GLUD1: variants seen among roughly 807,000 people sequenced by gnomAD.
The protein encoded by GLUD1 is glutamate dehydrogenase 1, mitochondrial.
Under a neutral mutation model 56.0 loss-of-function variants are expected in GLUD1, and 22 were observed. The observed-to-expected ratio is 0.39, with a 90% CI of 0.28 to 0.56. The LOEUF (loss-of-function observed/expected upper bound fraction) is 0.56, where lower values mean the gene tolerates loss of function less well. Among genes scored for constraint, GLUD1 ranks in the 20% least tolerant of loss-of-function variants. The pLI, the probability that GLUD1 is intolerant of heterozygous loss-of-function variation, is 0.58. For missense variants in GLUD1, 451 were observed against 732.0 expected, an observed-to-expected ratio of 0.62 and a Z score of 4.43; for synonymous variants, 223 against 269.9, an observed-to-expected ratio of 0.83 and a Z score of 1.70.
intron 11 of GLUD1, among the ~76,000 whole-genome samples, chr10:87,056,130 AAAAAAAAAAACC>A (rs1845767248): frequency 1.4e-5 from 2 of 147,310 alleles, no homozygotes; most frequent in African/African-American, 2.5e-5. Flanking sequence ...AAAAAAAAAA[AAAAAAAAAAACC>A]AAAAAAAAAG....
At chr10:87,052,019 C>A in intron 12 of GLUD1, 149 bp from the exon 13 acceptor site, 3 of 883,786 alleles carry the variant, frequency 3.4e-6, no homozygotes, top group Non-Finnish European at 5.6e-6. Context: ...ACTCTAGCAG[C>A]AGAACCTCTA....
In GLUD1 at chr10:87,094,642, G is replaced by A; in HGVS notation, c.128C>T (p.Pro43Leu). 1 of 1,605,862 alleles carries A rather than the reference G, an allele frequency of 6.2e-7. No individual in the cohort carries two copies. The highest frequency in any genetic ancestry group is 1.1e-5 in the South Asian group (1 of 90,680). ...ARGQPAAAPQ[P>L]GLALAARRHY... ...GCGCCGGGCGGCCAATGCCAGCCCCGGCTGCGGGGCGGCGGCGGGCTGTCC... is the reference window on the plus strand; with the variant it reads ...GCGCCGGGCGGCCAATGCCAGCCCCAGCTGCGGGGCGGCGGCGGGCTGTCC... Residue 43 changes from proline to leucine, a missense_variant, in exon 1 of 13, where the codon CCG becomes CTG. By Grantham distance (98) the Pro-to-Leu change is moderately conservative. This residue lies in a region of GLUD1 where 158 missense variants were observed against 189.7 expected (regional missense o/e 0.83). Transcript: ENST00000277865. This position sits in a 1 kb window ranked among gnomAD's most constrained non-coding sequence, Gnocchi z 6.6.
chr10:87,059,381 AT>A lies in GLUD1; in HGVS notation c.1279-109del, dbSNP rs1156358803. ...TACCAAGGTAGACTGGACTTTAAAT[AT>A]CGCAAATATATTTTAGCCAGTATCA... On this transcript the variant is annotated intron_variant, in intron 9 of 12. Transcript: ENST00000277865. 7.2e-5 allele frequency: 74 copies of A among 1,034,612 alleles called. 1 individual carries two copies. In the East Asian group the frequency reaches 1.5e-3, roughly 20 times the overall value. 64.1% of individuals were successfully genotyped at this position (1,034,612 alleles called of 1,614,324 possible). A position where few individuals can be genotyped will look rare whatever the true frequency, so the allele number is the denominator to read the frequency against.
chr10:87,092,939 TGAC>T (rs778928204), intron 1 of GLUD1, among the ~76,000 whole-genome samples: 2 of 152,204 alleles, frequency 1.3e-5, no homozygotes, highest in Admixed American at 6.5e-5. Context: ...TGTAGGAGAC[TGAC>T]GGTGTGTACA....
intron 11 of GLUD1, among the ~76,000 whole-genome samples, chr10:87,055,176 TTTAATCA>T (rs1194380975): frequency 1.3e-5 from 1 of 75,278 alleles, no homozygotes. Flanking sequence ...AGGCACGGGA[TTTAATCA>T]GGGATTTAAT....
chr10:87,056,715 T>TA (rs1307573173), intron 11 of GLUD1, among the ~76,000 whole-genome samples: 8 of 152,134 alleles, frequency 5.3e-5, no homozygotes, highest in Non-Finnish European at 8.8e-5. Context: ...AACACTTTAA[T>TA]AACTTCACAT....
At chr10:87,076,755 T>C in intron 1 of GLUD1, 99 bp from the exon 2 acceptor site, 4 of 792,584 alleles carry the variant, frequency 5.0e-6, no homozygotes, top group Non-Finnish European at 6.8e-6. Context: ...AGCTACAAAT[T>C]GAAAATATCC....
At chr10:87,058,165 G>A (rs1312759522) in intron 10 of GLUD1, among the ~76,000 whole-genome samples, 1 of 152,188 alleles carries the variant, frequency 6.6e-6, no homozygotes, top group Non-Finnish European at 1.5e-5. Context: ...ACTGCGCCTG[G>A]CCTTATACAG....
In GLUD1 at chr10:87,071,747, C is replaced by T. The variant is rs533078613; in HGVS notation, c.646+2804G>A. 7.6e-3 allele frequency among the ~76,000 whole-genome samples: 1,164 copies of T among 152,304 alleles called. 17 individuals are homozygous for T. The highest frequency in any genetic ancestry group is 0.027 in the African/African-American group (1,121 of 41,562). The stretch of plus-strand genomic sequence containing the variant: ...GAAGAGGAAGGAACACTCCTCAACT[C>T]ATTCCATGAGGCTAGAATTGTCCTG... On this transcript the variant is annotated intron_variant, in intron 4 of 12. Coordinates refer to ENST00000277865, the MANE Select transcript of GLUD1 (RefSeq NM_005271.5).
At position 87,073,768 on chromosome 10, in the gene GLUD1, G is replaced by A. The variant is rs550355635; in HGVS notation, c.646+783C>T. 1.6e-3 allele frequency among the ~76,000 whole-genome samples: 245 copies of A among 151,738 alleles called. 1 individual carries two copies. Among genetic ancestry groups the A allele is most frequent in the African/African-American group, 5.6e-3 (233 of 41,390 alleles). ...TGAGTAGCTGGGACTACAGGCACTC[G>A]CGACCACGCCTGGCAAATTTTTTGT... On this transcript the variant is annotated intron_variant, in intron 4 of 12. Coordinates refer to ENST00000277865, the MANE Select transcript of GLUD1 (RefSeq NM_005271.5).
intron 1 of GLUD1, among the ~76,000 whole-genome samples, chr10:87,086,280 C>T (rs1305575574): frequency 1.3e-5 from 2 of 152,192 alleles, no homozygotes; most frequent in Non-Finnish European, 2.9e-5. Flanking sequence ...ATAACCCCAT[C>T]TGTCCCTGAT....
chr10:87,071,597 T>G (rs931274165), intron 4 of GLUD1, among the ~76,000 whole-genome samples: 3 of 152,084 alleles, frequency 2.0e-5, no homozygotes, highest in African/African-American at 7.2e-5. Context: ...GAAAGGGTAA[T>G]TTTGGTACAC....
chr10:87,093,592 G>A (rs1841594687), intron 1 of GLUD1, among the ~76,000 whole-genome samples: 1 of 152,186 alleles, frequency 6.6e-6, no homozygotes, highest in Non-Finnish European at 1.5e-5. Context: ...CACCCCCAGA[G>A]CTATTTCATT....
At chr10:87,074,482 C>T (rs1164297200) in intron 4 of GLUD1, 69 bp downstream of exon 4, 22 of 837,248 alleles carry the variant, frequency 2.6e-5, no homozygotes, top group Admixed American at 2.4e-4. Context: ...AGTGAGACTC[C>T]GTCTCAAAAA....
chr10:87,073,764 A>T, intron 4 of GLUD1, among the ~76,000 whole-genome samples: 1 of 151,624 alleles, frequency 6.6e-6, no homozygotes, highest in Non-Finnish European at 1.5e-5. Flanking sequence ...GACTACAGGC[A>T]CTCGCGACCA....
intron 4 of GLUD1, among the ~76,000 whole-genome samples, chr10:87,072,879 A>G (rs1326272154): frequency 1.3e-5 from 2 of 152,214 alleles, no homozygotes; most frequent in Admixed American, 1.3e-4. Context: ...ACCATATCTC[A>G]GAATCAGTAG....
chr10:87,087,169 G>A (rs12256919), intron 1 of GLUD1, among the ~76,000 whole-genome samples: 4,619 of 152,222 alleles, frequency 0.03, 250 homozygotes, highest in African/African-American at 0.11. Flanking sequence ...TCAGGGAAAC[G>A]TTACTTATGT....
chr10:87,085,091 T>A (rs1841349944), intron 1 of GLUD1, among the ~76,000 whole-genome samples: 1 of 152,150 alleles, frequency 6.6e-6, no homozygotes, highest in African/African-American at 2.4e-5. Context: ...ACGCGTGTAA[T>A]CCCAGCACTT....
At chr10:87,061,368 C>T in intron 6 of GLUD1, 1 of 438,450 alleles carries the variant, frequency 2.3e-6, no homozygotes, top group Non-Finnish European at 4.4e-6. Context: ...ACTAAAAATA[C>T]AAAAATTAGG....
Sources: gnomAD v4.1 joint callset for allele counts (sites outside exome capture counted in the v4.1 genomes callset) on GRCh38, gnomAD v4.1.1 for gene constraint, gnomAD v4.1.1 regional missense constraint, Gnocchi (gnomAD v3.1) non-coding constraint, MANE v1.5 for transcripts, NCBI Gene and HGNC (gene_info 2026-07-23, HGNC 2026-07-21) for gene names.